RNF157: variants seen among roughly 807,000 people sequenced by gnomAD.
RNF157 encodes the protein ring finger protein 157, also known as E3 ubiquitin ligase RNF157.
A neutral mutation model predicts 88.3 loss-of-function variants in RNF157; 55 were observed. The ratio of observed to expected loss-of-function variants is 0.62; its 90% confidence interval spans 0.50 to 0.78. The LOEUF (loss-of-function observed/expected upper bound fraction) is 0.78, where lower values mean the gene tolerates loss of function less well. Among genes scored for constraint, RNF157 ranks in the 30% least tolerant of loss-of-function variants. The probability of loss-of-function intolerance (pLI) is 0.00; values close to 1 mark genes in which losing one functional copy is unlikely to be tolerated. For synonymous variants in RNF157, 334 were observed against 341.2 expected, an observed-to-expected ratio of 0.98 and a Z score of 0.23; for missense variants, 788 against 860.8, an observed-to-expected ratio of 0.92 and a Z score of 1.06.
intron 17 of RNF157, among the ~76,000 whole-genome samples, chr17:76,152,778 C>T (rs548423564): frequency 1.3e-5 from 2 of 152,282 alleles, no homozygotes; most frequent in Admixed American, 6.5e-5. Context: ...TGGGCAGAGG[C>T]CAGGCTGGTG....
At chr17:76,233,630 T>C (rs2070232742) in intron 1 of RNF157, among the ~76,000 whole-genome samples, 1 of 152,166 alleles carries the variant, frequency 6.6e-6, no homozygotes, top group Admixed American at 6.6e-5. Flanking sequence ...CTTGAAATCC[T>C]AGGCAAAGCA....
chr17:76,154,566 G>A (rs2068732645), intron 16 of RNF157: 1 of 495,916 alleles, frequency 2.0e-6, no homozygotes, highest in Non-Finnish European at 3.6e-6. Flanking sequence ...TGCTCAGAAT[G>A]GTCTGTCAGG....
intron 2 of RNF157, among the ~76,000 whole-genome samples, chr17:76,210,332 G>C: frequency 6.6e-6 from 1 of 151,888 alleles, no homozygotes; most frequent in East Asian, 2.0e-4. Context: ...AGTGGCTCAT[G>C]CCTGTAATCC....
intron 1 of RNF157, among the ~76,000 whole-genome samples, chr17:76,221,291 A>C (rs920760606): frequency 2.6e-5 from 4 of 152,210 alleles, no homozygotes; most frequent in Non-Finnish European, 5.9e-5. Flanking sequence ...GTGACAGCAA[A>C]TACAACAAAG....
intron 5 of RNF157, 133 bp from the exon 6 acceptor site, chr17:76,166,660 A>G: frequency 1.3e-6 from 1 of 760,254 alleles, no homozygotes; most frequent in South Asian, 1.7e-5. Context: ...AGCCTTGTTA[A>G]TTACCCAAGT....
At position 76,159,588 on chromosome 17, in the gene RNF157, G is replaced by C; in HGVS notation, c.1066-15C>G. On this transcript the variant is annotated splice_polypyrimidine_tract_variant and intron_variant, in intron 11 of 18. Coordinates refer to ENST00000269391, the MANE Select transcript of RNF157 (RefSeq NM_052916.3). The stretch of plus-strand genomic sequence containing the variant: ...TTCTCTGAGGACTAGGGGAATCAGA[G>C]ACAGGTTGAAAAATTAATTAGGTCC... 1 of 1,571,226 alleles carries C rather than the reference G, an allele frequency of 6.4e-7. No homozygotes were observed. The highest frequency in any genetic ancestry group is 1.1e-5 in the South Asian group (1 of 87,444).
intron 12 of RNF157, 78 bp downstream of exon 12, chr17:76,159,257 T>C (rs776412377): frequency 5.0e-5 from 64 of 1,282,506 alleles, no homozygotes; most frequent in Non-Finnish European, 6.9e-5. Flanking sequence ...GTCCCCAGGA[T>C]GTGGGCCAGC....
At position 76,195,906 on chromosome 17, in the gene RNF157, T is replaced by C. The variant is rs984355809; in HGVS notation, c.207+16458A>G. 6.6e-6 allele frequency among the ~76,000 whole-genome samples: 1 copy of C among 152,180 alleles called. No homozygotes were observed. The highest frequency in any genetic ancestry group is 2.4e-5 in the African/African-American group (1 of 41,428). On this transcript the variant is annotated intron_variant, in intron 2 of 18. Transcript: ENST00000269391. This position sits in a 1 kb window ranked among gnomAD's most constrained non-coding sequence, Gnocchi z 4.4. Reference sequence around the variant, plus strand: ...CCCATACCTGTCAGTGTGTGCCATGTCAGTTTACTATTGCCACGGCAACAC... The same window carrying C: ...CCCATACCTGTCAGTGTGTGCCATGCCAGTTTACTATTGCCACGGCAACAC...
At chr17:76,166,024 G>A (rs2068918712) in intron 6 of RNF157, among the ~76,000 whole-genome samples, 1 of 151,946 alleles carries the variant, frequency 6.6e-6, no homozygotes, top group Non-Finnish European at 1.5e-5. Context: ...ACCCAGGCTG[G>A]AGTGCAGTGG....
chr17:76,187,088 T>A (rs2069304617), intron 2 of RNF157, among the ~76,000 whole-genome samples: 1 of 152,010 alleles, frequency 6.6e-6, no homozygotes. Context: ...CCTGGCAAGG[T>A]CTGGTTACTC....
At chr17:76,239,135 A>G (rs1210682736) in intron 1 of RNF157, among the ~76,000 whole-genome samples, 1 of 152,214 alleles carries the variant, frequency 6.6e-6, no homozygotes, top group East Asian at 1.9e-4. Context: ...TCGGGTCCTA[A>G]GCAGACAGAA....
rs775600925 is a variant in RNF157 at position 76,162,607 on chromosome 17, T to G, written c.737A>C (p.Tyr246Ser). 1.9e-6 allele frequency: 3 copies of G among 1,612,294 alleles called. No homozygotes were observed. The highest frequency in any genetic ancestry group is 1.3e-5 in the African/African-American group (1 of 74,858). ...KQKQVVDGVS[Y>S]LLQEIYGIEN... ...AATTCCATAGATCTCCTGAAGGAGG[T>G]AGCTGACCCCGTCTACCTGAACAGC... The change falls in exon 9 of 19, where the codon TAC becomes TCC. Residue 246 changes from tyrosine to serine, a missense_variant. Coordinates refer to ENST00000269391, the MANE Select transcript of RNF157 (RefSeq NM_052916.3).
At chr17:76,221,656 A>C (rs2069985249) in intron 1 of RNF157, among the ~76,000 whole-genome samples, 1 of 152,234 alleles carries the variant, frequency 6.6e-6, no homozygotes, top group Non-Finnish European at 1.5e-5. Context: ...TGGTTCTTCT[A>C]AAATAACTAT....
intron 2 of RNF157, among the ~76,000 whole-genome samples, chr17:76,206,565 C>T (rs181077108): frequency 6.6e-6 from 1 of 152,222 alleles, no homozygotes; most frequent in Non-Finnish European, 1.5e-5. Flanking sequence ...TTTGGGAGGC[C>T]GAGGTGGGTG....
At chr17:76,182,840 ATATAG>A (rs2069219191) in intron 2 of RNF157, among the ~76,000 whole-genome samples, 4 of 89,158 alleles carry the variant, frequency 4.5e-5, no homozygotes, top group Admixed American at 3.3e-4. Flanking sequence ...TATATATGAT[ATATAG>A]GATATATAGG....
chr17:76,236,603 ATTAC>A (rs1332358293), intron 1 of RNF157, among the ~76,000 whole-genome samples: 2 of 152,226 alleles, frequency 1.3e-5, no homozygotes, highest in African/African-American at 4.8e-5. Context: ...CATACTTTCT[ATTAC>A]TTAAATGATT....
At chr17:76,158,579 G>T in intron 12 of RNF157, 78 bp from the exon 13 acceptor site, 2 of 986,576 alleles carry the variant, frequency 2.0e-6, no homozygotes, top group Non-Finnish European at 1.6e-6. Context: ...GGAGCTGAGG[G>T]GAAAACCCAA....
intron 2 of RNF157, among the ~76,000 whole-genome samples, chr17:76,207,534 C>A (rs1283605388): frequency 6.6e-6 from 1 of 152,194 alleles, no homozygotes; most frequent in African/African-American, 2.4e-5. Flanking sequence ...TCAGAAATGA[C>A]AGGGAATTGC....
At chr17:76,183,678 T>G (rs1372242398) in intron 2 of RNF157, among the ~76,000 whole-genome samples, 1 of 152,190 alleles carries the variant, frequency 6.6e-6, no homozygotes, top group African/African-American at 2.4e-5. Flanking sequence ...AGAATAATTA[T>G]AGCTTTCTAC....
Sources: allele counts gnomAD v4.1 joint callset (sites outside exome capture counted in the v4.1 genomes callset), GRCh38; gene constraint gnomAD v4.1.1; non-coding constraint Gnocchi (gnomAD v3.1); transcripts MANE v1.5; gene names NCBI Gene and HGNC (gene_info 2026-07-23, HGNC 2026-07-21).